Variants in GPC6 observed in about 807,000 individuals in gnomAD.
GPC6 encodes glypican-6.
GPC6 carries 14 observed loss-of-function variants against 55.2 expected under a neutral mutation model. The observed-to-expected ratio is 0.25, with a 90% CI of 0.17 to 0.40. GPC6 has a LOEUF of 0.40. GPC6 is among the 10% of genes least tolerant of loss of function. The pLI, the probability that GPC6 is intolerant of heterozygous loss-of-function variation, is 1.00. For missense variants in GPC6, 641 were observed against 708.5 expected, an observed-to-expected ratio of 0.90 and a Z score of 1.08; for synonymous variants, 278 against 259.6, an observed-to-expected ratio of 1.07 and a Z score of -0.68.
At chr13:93,297,749 C>T (rs1878542688) in intron 1 of GPC6, among the ~76,000 whole-genome samples, 1 of 152,166 alleles carries the variant, frequency 6.6e-6, no homozygotes, top group African/African-American at 2.4e-5. Flanking sequence ...CTGCTTACCA[C>T]TGTCTTAAGT....
upstream of GPC6, among the ~76,000 whole-genome samples, chr13:93,226,303 G>A (rs1305209755): frequency 6.6e-6 from 1 of 152,138 alleles, no homozygotes; most frequent in African/African-American, 2.4e-5. Context: ...ATTTCTGATC[G>A]AAGGCTATGA....
intron 2 of GPC6, among the ~76,000 whole-genome samples, chr13:93,728,366 C>A (rs1366035981): frequency 1.3e-5 from 2 of 150,664 alleles, no homozygotes; most frequent in Non-Finnish European, 3.0e-5. Context: ...ACAGGCCTAC[C>A]ACCACGCCTG....
intron 3 of GPC6, among the ~76,000 whole-genome samples, chr13:94,022,663 A>G (rs1220829407): frequency 6.6e-6 from 1 of 151,976 alleles, no homozygotes; most frequent in Non-Finnish European, 1.5e-5. Context: ...AGGAACCTCC[A>G]TATTGTTTTC....
chr13:93,700,688 A>T (rs1212861049), intron 2 of GPC6, among the ~76,000 whole-genome samples: 1 of 152,092 alleles, frequency 6.6e-6, no homozygotes, highest in Non-Finnish European at 1.5e-5. Flanking sequence ...CTTTTGTGTT[A>T]TCAGTTCTTC....
intron 2 of GPC6, among the ~76,000 whole-genome samples, chr13:93,675,486 A>G (rs1043194238): frequency 1.3e-5 from 2 of 152,100 alleles, no homozygotes; most frequent in Non-Finnish European, 2.9e-5. Flanking sequence ...CTTTTTCTAC[A>G]TCAATTATTT....
At chr13:94,277,244 G>T (rs1212606591) in intron 4 of GPC6, among the ~76,000 whole-genome samples, 3 of 150,674 alleles carry the variant, frequency 2.0e-5, no homozygotes, top group Non-Finnish European at 4.4e-5. Flanking sequence ...TTTGAAAAGT[G>T]TCTGTTCATA....
intron 1 of GPC6, among the ~76,000 whole-genome samples, chr13:93,346,957 G>A (rs573692969): frequency 1.2e-4 from 19 of 152,114 alleles, no homozygotes; most frequent in Non-Finnish European, 2.2e-4. Context: ...GTATCCATTC[G>A]GTTGATTGGT....
At chr13:93,379,979 G>A (rs554230307) in intron 1 of GPC6, among the ~76,000 whole-genome samples, 3 of 146,254 alleles carry the variant, frequency 2.1e-5, no homozygotes, top group Middle Eastern at 3.7e-3. Context: ...AAAAAAAAGA[G>A]CCCTGCAAGT....
Position 93,690,857 on chromosome 13 carries a change from C to A in GPC6, c.320-139297C>A, listed in dbSNP as rs558046972. Among the ~76,000 whole-genome samples, 233 of 152,098 alleles carry A rather than the reference C, an allele frequency of 1.5e-3. 1 individual carries two copies. Among genetic ancestry groups the A allele is most frequent in the African/African-American group, 5.4e-3 (224 of 41,510 alleles). ...TTATCTTACCTTTTCCTATCTGCAG[C>A]ATTTTTTTCTTTTTACAAAATGATC... is the stretch of plus-strand genomic sequence containing the variant. On this transcript the variant is annotated intron_variant, in intron 2 of 8. Coordinates refer to ENST00000377047, the MANE Select transcript of GPC6 (RefSeq NM_005708.5).
intron 2 of GPC6, among the ~76,000 whole-genome samples, chr13:93,650,472 G>GA (rs973960148): frequency 1.5e-5 from 2 of 137,054 alleles, no homozygotes; most frequent in South Asian, 2.2e-4. Flanking sequence ...CAAAGGAATG[G>GA]AAAAAAAAAG....
chr13:93,600,960 A>C (rs900124656), intron 2 of GPC6, among the ~76,000 whole-genome samples: 3 of 150,176 alleles, frequency 2.0e-5, no homozygotes, highest in African/African-American at 7.5e-5. Flanking sequence ...AAAAAAAAAA[A>C]AAAAAAGAAA....
chr13:94,010,389 G>A (rs747383544), intron 3 of GPC6, among the ~76,000 whole-genome samples: 11 of 152,104 alleles, frequency 7.2e-5, no homozygotes, highest in Non-Finnish European at 1.0e-4. Flanking sequence ...ATTTTTACCT[G>A]TATTGAAGCT....
chr13:93,453,139 A>T (rs531311065), intron 1 of GPC6, among the ~76,000 whole-genome samples: 1 of 152,216 alleles, frequency 6.6e-6, no homozygotes, highest in Non-Finnish European at 1.5e-5. Context: ...AGCCTTGGAC[A>T]TTGCCTAATT....
At chr13:93,954,880 A>C (rs1879428848) in intron 3 of GPC6, among the ~76,000 whole-genome samples, 1 of 152,172 alleles carries the variant, frequency 6.6e-6, no homozygotes, top group South Asian at 2.1e-4. Flanking sequence ...ATCTCCTTTA[A>C]TATCCACCAC....
intron 7 of GPC6, among the ~76,000 whole-genome samples, chr13:94,395,347 A>C (rs756270546): frequency 1.8e-4 from 27 of 152,232 alleles, no homozygotes; most frequent in Non-Finnish European, 3.5e-4. Flanking sequence ...AAAATTTTCT[A>C]TGAGGCCATT....
At chr13:93,435,656 G>A (rs1877544226) in intron 1 of GPC6, among the ~76,000 whole-genome samples, 1 of 152,142 alleles carries the variant, frequency 6.6e-6, no homozygotes, top group African/African-American at 2.4e-5. Flanking sequence ...ATAACACAAA[G>A]TTGCCAATAA....
In GPC6 at chr13:94,318,648, T is replaced by C. The variant is rs939228747; in HGVS notation, c.1152+12525T>C. On this transcript the variant is annotated intron_variant, in intron 6 of 8. Transcript: ENST00000377047. Reference sequence around the variant, plus strand: ...AATGGTTTGTTTCTAGAATTGTCCATTTAATATTTTTGAACTGCATTTGAA... The same window carrying C: ...AATGGTTTGTTTCTAGAATTGTCCACTTAATATTTTTGAACTGCATTTGAA... Among the ~76,000 whole-genome samples the C allele has an allele frequency of 4.6e-5, 7 of 152,190 alleles. No individual in the cohort carries two copies. The South Asian group carries it at 6.2e-4, about 13-fold the overall frequency.
chr13:93,487,272 A>G (rs763887242), intron 1 of GPC6, among the ~76,000 whole-genome samples: 10 of 152,064 alleles, frequency 6.6e-5, no homozygotes, highest in Non-Finnish European at 1.3e-4. Flanking sequence ...CAGGTTTGCT[A>G]CATAGGTAAA....
At chr13:93,558,106 A>G (rs1180707527) in intron 2 of GPC6, among the ~76,000 whole-genome samples, 2 of 152,228 alleles carry the variant, frequency 1.3e-5, no homozygotes, top group African/African-American at 4.8e-5. Flanking sequence ...TGTATTGACA[A>G]AATGATCTTG....
Sources: allele counts gnomAD v4.1 joint callset (sites outside exome capture counted in the v4.1 genomes callset), GRCh38; gene constraint gnomAD v4.1.1; transcripts MANE v1.5; gene names NCBI Gene and HGNC (gene_info 2026-07-23, HGNC 2026-07-21).